The following PKP2 variants were observed in gnomAD, a reference collection of about 807,000 sequenced individuals.
The protein encoded by PKP2 is plakophilin-2.
Under a neutral mutation model 83.4 loss-of-function variants are expected in PKP2, and 73 were observed. That is an observed-to-expected ratio of 0.88 (90% CI 0.72 to 1.06). The LOEUF is 1.06. Ranked by LOEUF, PKP2 falls within the 50% of genes least tolerant of loss-of-function variation. The pLI, the probability that PKP2 is intolerant of heterozygous loss-of-function variation, is 0.00. For missense variants in PKP2, 966 were observed against 1,065.4 expected, an observed-to-expected ratio of 0.91 and a Z score of 1.30; for synonymous variants, 409 against 430.4, an observed-to-expected ratio of 0.95 and a Z score of 0.62.
At chr12:32,842,211 T>A (rs972625998) in intron 5 of PKP2, among the ~76,000 whole-genome samples, 1 of 152,160 alleles carries the variant, frequency 6.6e-6, no homozygotes, top group Non-Finnish European at 1.5e-5. Flanking sequence ...TTCCAGGGAC[T>A]CCCAGCAGGT....
rs540220967 is a variant in PKP2 at position 32,840,675 on chromosome 12, T to C, written c.1556+353A>G. 5.4e-4 allele frequency among the ~76,000 whole-genome samples: 83 copies of C among 152,352 alleles called. 2 individuals are homozygous for C. The highest frequency in any genetic ancestry group is 1.9e-3 in the African/African-American group (80 of 41,574). ...TTACACAAAATTGGTATTTGATATG[T>C]ATTACTGTGTGATTAACTATGGAGA... On this transcript the variant is annotated intron_variant, in intron 6 of 12. Transcript: ENST00000340811.
intron 6 of PKP2, among the ~76,000 whole-genome samples, chr12:32,834,471 C>CA (rs1956527696): frequency 6.6e-6 from 1 of 152,072 alleles, no homozygotes; most frequent in Admixed American, 6.6e-5. Context: ...AGAATGAGGC[C>CA]ACTAACAGAA....
At chr12:32,852,559 G>A (rs1355301724) in intron 4 of PKP2, among the ~76,000 whole-genome samples, 8 of 152,258 alleles carry the variant, frequency 5.3e-5, no homozygotes, top group Non-Finnish European at 7.4e-5. Flanking sequence ...ATTAAGAAGC[G>A]TCAGTATAAT....
Position 32,799,447 on chromosome 12 carries a change from G to A in PKP2, c.2167+2956C>T, listed in dbSNP as rs1956159053. On this transcript the variant is annotated intron_variant, in intron 10 of 12. Transcript: ENST00000340811. ...TACCACTACTGGGTATCTACCCAAA[G>A]GAAAAGAAGTCATTATATGAAAAAG... is the stretch of plus-strand genomic sequence containing the variant. Among the ~76,000 whole-genome samples, 6 of 152,138 alleles carry A rather than the reference G, an allele frequency of 3.9e-5. 1 individual carries two copies. The South Asian group carries it at 1.2e-3, about 32-fold the overall frequency.
At chr12:32,856,243 A>G (rs1327690860) in intron 4 of PKP2, among the ~76,000 whole-genome samples, 2 of 152,104 alleles carry the variant, frequency 1.3e-5, no homozygotes, top group African/African-American at 2.4e-5. Flanking sequence ...AGACTAAATT[A>G]AGGGATTTGT....
At position 32,792,037 on chromosome 12, in the gene PKP2, C is replaced by A. The variant is rs1333068182; in HGVS notation, c.*387G>T. 8 of 327,982 alleles carry A rather than the reference C, an allele frequency of 2.4e-5. No individual in the cohort carries two copies. The highest frequency in any genetic ancestry group is 3.5e-5 in the Non-Finnish European group (6 of 171,382). The allele number at this position is 327,982 out of a possible 1,614,324, so 20.3% of individuals were successfully genotyped here. ...GGCGAAGCAATGTGCACATGAGTGACAAAACATGGGAACCAGAAAAGGAAT... is the reference window on the plus strand; with the variant it reads ...GGCGAAGCAATGTGCACATGAGTGAAAAAACATGGGAACCAGAAAAGGAAT... On this transcript the variant is annotated 3_prime_UTR_variant, in exon 13 of 13. Coordinates refer to ENST00000340811, the MANE Select transcript of PKP2 (RefSeq NM_001005242.3).
chr12:32,838,289 C>T (rs1956560593), intron 6 of PKP2, among the ~76,000 whole-genome samples: 1 of 152,056 alleles, frequency 6.6e-6, no homozygotes, highest in Non-Finnish European at 1.5e-5. Flanking sequence ...TACAAATAGA[C>T]ACAAAGATGG....
chr12:32,875,253 G>C (rs1026193842), intron 3 of PKP2, among the ~76,000 whole-genome samples: 1 of 152,188 alleles, frequency 6.6e-6, no homozygotes, highest in Non-Finnish European at 1.5e-5. Context: ...GAAGGAAGTG[G>C]TCAGAAAATA....
intron 4 of PKP2, among the ~76,000 whole-genome samples, chr12:32,868,453 G>A (rs745842549): frequency 2.6e-5 from 4 of 152,150 alleles, no homozygotes; most frequent in Admixed American, 6.5e-5. Context: ...CTTGCCTCAA[G>A]TGATCTGCCC....
In PKP2 at chr12:32,796,607, G is replaced by A. The variant is rs183864241; in HGVS notation, c.2168-309C>T. ...GTAGAGACGGAGTTTCACCGTGTTA[G>A]CCAGGATGGTCTCGATCTCCTGACC... On this transcript the variant is annotated intron_variant, in intron 10 of 12. Transcript: ENST00000340811. 1.5e-3 allele frequency among the ~76,000 whole-genome samples: 224 copies of A among 151,902 alleles called. 2 individuals carry two copies. Among genetic ancestry groups the A allele is most frequent in the Non-Finnish European group, 1.9e-3 (131 of 67,960 alleles).
At chr12:32,895,395 T>C (rs1278548295) in intron 1 of PKP2, among the ~76,000 whole-genome samples, 1 of 152,232 alleles carries the variant, frequency 6.6e-6, no homozygotes, top group Non-Finnish European at 1.5e-5. Flanking sequence ...ATCTCTGGTC[T>C]GGCCTGTTAG....
intron 6 of PKP2, chr12:32,824,476 C>G: frequency 2.7e-6 from 1 of 365,096 alleles, no homozygotes; most frequent in Non-Finnish European, 5.2e-6. Flanking sequence ...GTTTTTGCAA[C>G]TAGAACAAGA....
chr12:32,813,311 A>C (rs1363193406), intron 9 of PKP2, among the ~76,000 whole-genome samples: 1 of 152,216 alleles, frequency 6.6e-6, no homozygotes, highest in Non-Finnish European at 1.5e-5. Flanking sequence ...AGTGGGAGAA[A>C]ATGTATAAAC....
Position 32,834,776 on chromosome 12 carries a change from G to A in PKP2, c.1556+6252C>T, listed in dbSNP as rs978108567. On this transcript the variant is annotated intron_variant, in intron 6 of 12. Coordinates refer to ENST00000340811, the MANE Select transcript of PKP2 (RefSeq NM_001005242.3). The stretch of plus-strand genomic sequence containing the variant: ...TATAAGAATAATATGCAGAAATGAT[G>A]ATAAAACTTTGGCAGCAATTTCAGA... Among the ~76,000 whole-genome samples, 3 of 152,076 alleles carry A rather than the reference G, an allele frequency of 2.0e-5. 1 individual carries two copies. The highest frequency in any genetic ancestry group is 7.2e-5 in the African/African-American group (3 of 41,402).
At chr12:32,795,283 G>A (rs1009706489) in intron 11 of PKP2, among the ~76,000 whole-genome samples, 3 of 151,220 alleles carry the variant, frequency 2.0e-5, no homozygotes, top group East Asian at 1.9e-4. Context: ...AATAAGATGC[G>A]GAAGAGATAA....
At chr12:32,812,112 G>GT (rs10581524) in intron 9 of PKP2, among the ~76,000 whole-genome samples, 1,298 of 126,964 alleles carry the variant, frequency 0.01, 17 homozygotes, top group African/African-American at 0.032. Flanking sequence ...AGCTGGGAGG[G>GT]TTTTTTTTTT....
chr12:32,896,761 C>A lies in PKP2; in HGVS notation c.-30G>T. The A allele has an allele frequency of 8.0e-7, 1 of 1,249,964 alleles. No individual in the cohort carries two copies. The highest frequency in any genetic ancestry group is 1.1e-6 in the Non-Finnish European group (1 of 937,558). 77.4% of individuals were successfully genotyped at this position (1,249,964 alleles called of 1,614,324 possible). A position where few individuals can be genotyped will look rare whatever the true frequency, so the allele number is the denominator to read the frequency against. ...CCGGTGGGGGCGACCGAGCTGCTCG[C>A]CTGCCTCTGGACTCGCGGGCGAAGC... is the stretch of plus-strand genomic sequence containing the variant. On this transcript the variant is annotated 5_prime_UTR_variant, in exon 1 of 13. Transcript: ENST00000340811.
At chr12:32,840,467 T>C (rs1956579594) in intron 6 of PKP2, among the ~76,000 whole-genome samples, 1 of 152,020 alleles carries the variant, frequency 6.6e-6, no homozygotes, top group South Asian at 2.1e-4. Flanking sequence ...CCAGCTAATT[T>C]TTTCATTTTT....
In PKP2 at chr12:32,798,262, A is replaced by AT. The variant is rs143592993; in HGVS notation, c.2168-1965dup. On this transcript the variant is annotated intron_variant, in intron 10 of 12. Transcript: ENST00000340811. ...ACCATGCCCGGCTAATTTTTTGTATATTTTTTTTTTCAGTAGAGATGGGGT... is the reference window on the plus strand; with the variant it reads ...ACCATGCCCGGCTAATTTTTTGTATATTTTTTTTTTTCAGTAGAGATGGGGT... 1.4e-3 allele frequency among the ~76,000 whole-genome samples: 179 copies of AT among 131,820 alleles called. 1 individual carries two copies. Among genetic ancestry groups the AT allele is most frequent in the African/African-American group, 4.2e-3 (156 of 36,748 alleles). 86.5% of individuals were successfully genotyped at this position (131,820 alleles called of 152,430 possible).
Sources: allele counts gnomAD v4.1 joint callset (sites outside exome capture counted in the v4.1 genomes callset), GRCh38; gene constraint gnomAD v4.1.1; transcripts MANE v1.5; gene names NCBI Gene and HGNC (gene_info 2026-07-23, HGNC 2026-07-21).